DLGAP1: variants seen among roughly 807,000 people sequenced by gnomAD.
The protein encoded by DLGAP1 is DLG associated protein 1.
A neutral mutation model predicts 90.8 loss-of-function variants in DLGAP1; 11 were observed. The ratio of observed to expected loss-of-function variants is 0.12; its 90% confidence interval spans 0.08 to 0.20. The LOEUF (loss-of-function observed/expected upper bound fraction) is 0.20. DLGAP1 is among the 10% of genes least tolerant of loss of function. The pLI, the probability that DLGAP1 is intolerant of heterozygous loss-of-function variation, is 1.00. For synonymous variants in DLGAP1, 558 were observed against 540.7 expected, an observed-to-expected ratio of 1.03 and a Z score of -0.44; for missense variants, 1,050 against 1,333.8, an observed-to-expected ratio of 0.79 and a Z score of 3.31.
chr18:3,563,503 C>T (rs1280936437), intron 9 of DLGAP1, among the ~76,000 whole-genome samples: 1 of 147,142 alleles, frequency 6.8e-6, no homozygotes, highest in Non-Finnish European at 1.5e-5. Context: ...GAATTTCGCT[C>T]TTGTTGCCCA....
At chr18:3,845,612 A>T (rs187454244) in intron 4 of DLGAP1, 1 of 985,418 alleles carries the variant, frequency 1.0e-6, no homozygotes, top group East Asian at 1.1e-4. Context: ...GCTATCTTTC[A>T]TTATCTCAGT....
At chr18:4,271,863 G>A (rs983481026) in intron 1 of DLGAP1, among the ~76,000 whole-genome samples, 1 of 152,176 alleles carries the variant, frequency 6.6e-6, no homozygotes, top group African/African-American at 2.4e-5. Flanking sequence ...CTTAAAGCTT[G>A]AGGGAACAGG....
At chr18:3,592,842 TC>T (rs1341786791) in intron 7 of DLGAP1, among the ~76,000 whole-genome samples, 21 of 7,194 alleles carry the variant, frequency 2.9e-3, no homozygotes, top group African/African-American at 7.9e-3. Flanking sequence ...AGACCCTGCC[TC>T]AAAAAAAAAA....
intron 2 of DLGAP1, among the ~76,000 whole-genome samples, chr18:4,035,302 G>A (rs1265329653): frequency 6.6e-6 from 1 of 152,084 alleles, no homozygotes; most frequent in African/African-American, 2.4e-5. Context: ...AGCTATGATG[G>A]TGCCACTGCA....
At chr18:3,890,270 A>G (rs996451005) in intron 3 of DLGAP1, among the ~76,000 whole-genome samples, 1 of 152,240 alleles carries the variant, frequency 6.6e-6, no homozygotes, top group Admixed American at 6.5e-5. Context: ...TTCAGATTAT[A>G]CATTCACTTT....
intron 9 of DLGAP1, among the ~76,000 whole-genome samples, chr18:3,545,173 C>T (rs1179040391): frequency 6.6e-6 from 1 of 151,728 alleles, no homozygotes; most frequent in African/African-American, 2.4e-5. Flanking sequence ...ACTCTGGAGG[C>T]CAAGGCAGGA....
chr18:3,647,305 CAT>C (rs10581606), intron 7 of DLGAP1, among the ~76,000 whole-genome samples: 28,420 of 151,154 alleles, frequency 0.19, 2,792 homozygotes, highest in African/African-American at 0.2. Context: ...TATATAATAA[CAT>C]CAAGCAAAAG....
At chr18:4,146,377 C>T (rs574219069) in intron 2 of DLGAP1, among the ~76,000 whole-genome samples, 1 of 152,276 alleles carries the variant, frequency 6.6e-6, no homozygotes, top group East Asian at 1.9e-4. Flanking sequence ...TTCTGAATCC[C>T]AAATCCTGCC....
chr18:4,368,407 C>A (rs2081827702), intron 1 of DLGAP1, among the ~76,000 whole-genome samples: 1 of 152,102 alleles, frequency 6.6e-6, no homozygotes, highest in South Asian at 2.1e-4. Context: ...CTGAGTAAAG[C>A]AGATTACTCT....
chr18:4,189,899 A>C (rs1415822133), intron 1 of DLGAP1, among the ~76,000 whole-genome samples: 2 of 152,144 alleles, frequency 1.3e-5, no homozygotes, highest in Non-Finnish European at 2.9e-5. Context: ...AAATGAATCT[A>C]GACACAGACC....
rs1257848398 is a variant in DLGAP1, at chr18:4,265,641, T to C, written c.-266-114354A>G. On this transcript the variant is annotated intron_variant, in intron 1 of 12. Transcript: ENST00000315677. Reference sequence around the variant, plus strand: ...CCTCCCTCCCCTTCCCTCCCTCCCCTTCCCTCCCTCCCTCCCTCCCTCCCT... The same window carrying C: ...CCTCCCTCCCCTTCCCTCCCTCCCCCTCCCTCCCTCCCTCCCTCCCTCCCT... Among the ~76,000 whole-genome samples, 13 of 28,300 alleles carry C rather than the reference T, an allele frequency of 4.6e-4. 1 individual carries two copies. Among genetic ancestry groups the C allele is most frequent in the African/African-American group, 4.3e-3 (11 of 2,588 alleles). 18.6% of individuals were successfully genotyped at this position (28,300 alleles called of 152,430 possible).
At chr18:3,964,192 TA>T (rs1260997536) in intron 3 of DLGAP1, among the ~76,000 whole-genome samples, 1 of 152,118 alleles carries the variant, frequency 6.6e-6, no homozygotes, top group Non-Finnish European at 1.5e-5. Flanking sequence ...TTACACTCTT[TA>T]AAAAAGGGGC....
intron 1 of DLGAP1, among the ~76,000 whole-genome samples, chr18:4,322,888 G>A (rs1385277170): frequency 6.9e-6 from 1 of 145,196 alleles, no homozygotes; most frequent in Non-Finnish European, 1.5e-5. Context: ...ATGAACCCGG[G>A]AGGCGGAGAT....
At chr18:3,964,549 A>G (rs1174301590) in intron 3 of DLGAP1, among the ~76,000 whole-genome samples, 1 of 152,164 alleles carries the variant, frequency 6.6e-6, no homozygotes, top group Non-Finnish European at 1.5e-5. Context: ...CGAGATGGGA[A>G]TCTTCGCTAG....
intron 5 of DLGAP1, chr18:3,770,187 G>C (rs191357980): frequency 2.3e-4 from 35 of 152,272 alleles, no homozygotes; most frequent in Non-Finnish European, 3.5e-4. Flanking sequence ...GGGTGGACTT[G>C]GGACCTGGTT....
chr18:3,732,681 G>T (rs2062484949), intron 6 of DLGAP1, among the ~76,000 whole-genome samples: 1 of 151,970 alleles, frequency 6.6e-6, no homozygotes, highest in South Asian at 2.1e-4. Context: ...CTTTTAGGTT[G>T]GTTTGGGGGT....
intron 2 of DLGAP1, among the ~76,000 whole-genome samples, chr18:4,027,856 T>C (rs553976796): frequency 1.9e-4 from 29 of 152,302 alleles, no homozygotes; most frequent in South Asian, 1.0e-3. Context: ...GCTTGAGTAA[T>C]GAGTGACCTT....
chr18:4,133,703 CTT>C (rs2076353972), intron 2 of DLGAP1, among the ~76,000 whole-genome samples: 2 of 152,152 alleles, frequency 1.3e-5, no homozygotes, highest in African/African-American at 4.8e-5. Flanking sequence ...AAATAGCACA[CTT>C]AGCATAGTGT....
chr18:4,068,838 C>T (rs982724826), intron 2 of DLGAP1, among the ~76,000 whole-genome samples: 10 of 152,144 alleles, frequency 6.6e-5, no homozygotes, highest in African/African-American at 2.2e-4. Context: ...AATCCGATGT[C>T]CACGCGTACA....
Sources: gnomAD v4.1 joint callset for allele counts (sites outside exome capture counted in the v4.1 genomes callset) on GRCh38, gnomAD v4.1.1 for gene constraint, MANE v1.5 for transcripts, NCBI Gene and HGNC (gene_info 2026-07-23, HGNC 2026-07-21) for gene names.